CDADC1: variants seen among roughly 807,000 people sequenced by gnomAD.
The protein encoded by CDADC1 is dCTP deaminase.
A neutral mutation model predicts 54.9 loss-of-function variants in CDADC1; 39 were observed. The observed-to-expected ratio is 0.71, with a 90% confidence interval of 0.55 to 0.93. The LOEUF (loss-of-function observed/expected upper bound fraction) is 0.93, where lower values mean the gene tolerates loss of function less well. Among genes scored for constraint, CDADC1 ranks in the 40% least tolerant of loss-of-function variants. The pLI is 0.00. For synonymous variants in CDADC1, 186 were observed against 204.0 expected, an observed-to-expected ratio of 0.91 and a Z score of 0.75; for missense variants, 518 against 618.8, an observed-to-expected ratio of 0.84 and a Z score of 1.73.
At chr13:49,258,435 T>C (rs528362718) in intron 3 of CDADC1, among the ~76,000 whole-genome samples, 2 of 150,750 alleles carry the variant, frequency 1.3e-5, no homozygotes, top group East Asian at 1.9e-4. Flanking sequence ...AGAACTGACT[T>C]TTTTTTTTAA....
rs777551903 is a variant in CDADC1, at chr13:49,267,737, CT to C, written c.682del (p.Tyr228IlefsTer9). On this transcript the variant is annotated frameshift_variant, in exon 5 of 10. Transcript: ENST00000251108. LOFTEE classifies it high-confidence loss of function. ...TKTLPDANTD[F>X]YYECKQERIK... ...AAACATTGCCGGATGCTAACACTGA[CT>C]TTTATTATGAATGTAAACAAGAAAG... 1 of 1,610,914 alleles carries C rather than the reference CT, an allele frequency of 6.2e-7. No individual in the cohort carries two copies. The highest frequency in any genetic ancestry group is 1.1e-5 in the South Asian group (1 of 90,192).
intron 5 of CDADC1, 39 bp from the exon 6 acceptor site, chr13:49,274,247 ACATAT>A (rs770621994): frequency 4.9e-6 from 7 of 1,428,758 alleles, no homozygotes; most frequent in African/African-American, 4.3e-5. Context: ...TCTAAAACTA[ACATAT>A]CATAATTTTT....
At chr13:49,283,744 C>T (rs960506428) in intron 8 of CDADC1, among the ~76,000 whole-genome samples, 1 of 152,140 alleles carries the variant, frequency 6.6e-6, no homozygotes, top group Non-Finnish European at 1.5e-5. Flanking sequence ...CAGACCCTCC[C>T]GGAAATACCC....
chr13:49,279,003 G>T (rs1257655468), intron 7 of CDADC1, among the ~76,000 whole-genome samples: 1 of 152,090 alleles, frequency 6.6e-6, no homozygotes. Flanking sequence ...CCTTTTTTAT[G>T]TTCAGATACG....
At chr13:49,280,859 GTC>G (rs906560318) in intron 8 of CDADC1, among the ~76,000 whole-genome samples, 161 bp downstream of exon 8, 1 of 140,120 alleles carries the variant, frequency 7.1e-6, no homozygotes. Flanking sequence ...TTGAGACAGA[GTC>G]TCTCTCTGTT....
intron 4 of CDADC1, among the ~76,000 whole-genome samples, chr13:49,259,838 C>T (rs139059410): frequency 4.0e-5 from 6 of 151,888 alleles, no homozygotes; most frequent in African/African-American, 1.2e-4. Flanking sequence ...CAGAACAAGA[C>T]CTTGTCTCCA....
Position 49,267,932 on chromosome 13 carries a change from G to T in CDADC1, c.873G>T (p.Pro291=). 1 of 1,614,058 alleles carries T rather than the reference G, an allele frequency of 6.2e-7. No homozygotes were observed. The highest frequency in any genetic ancestry group is 8.5e-7 in the Non-Finnish European group (1 of 1,180,004). The part of the protein sequence containing the change: ...LLLATVASSV[P]NFKHFGFYRS... The stretch of plus-strand genomic sequence containing the variant: ...TGGCCACAGTAGCTTCCAGTGTGCC[G>T]AACTTTAAACACTTCGGATTTTACC... Residue 291 remains proline, a synonymous_variant, in exon 5 of 10, where the codon CCG becomes CCT. Transcript: ENST00000251108.
At chr13:49,275,112 G>A (rs1953069199) in intron 6 of CDADC1, among the ~76,000 whole-genome samples, 1 of 146,144 alleles carries the variant, frequency 6.8e-6, no homozygotes, top group Non-Finnish European at 1.5e-5. Context: ...TTGAGACAGA[G>A]TCCCCCTCTG....
In CDADC1 at chr13:49,293,075, G is replaced by GTA. The variant is rs1457936888; in HGVS notation, c.*1319_*1320dup. The GTA allele has an allele frequency of 6.2e-6, 1 of 160,458 alleles. No homozygotes were observed. Among genetic ancestry groups the GTA allele is most frequent in the Non-Finnish European group, 1.4e-5 (1 of 73,130 alleles). 9.9% of individuals were successfully genotyped at this position (160,458 alleles called of 1,614,324 possible). A position where few individuals can be genotyped will look rare whatever the true frequency, so the allele number is the denominator to read the frequency against. ...GGGATAGGACAGGAGAGGAGGTGAT[G>GTA]TACACTTAGAGGTAACTAAGGCTAG... On this transcript the variant is annotated 3_prime_UTR_variant, in exon 10 of 10. Transcript: ENST00000251108.
intron 3 of CDADC1, among the ~76,000 whole-genome samples, chr13:49,258,208 CT>C (rs1195686305): frequency 6.6e-6 from 1 of 152,194 alleles, no homozygotes; most frequent in African/African-American, 2.4e-5. Flanking sequence ...GTTAATATCG[CT>C]TTGGTCTGAT....
chr13:49,255,993 C>G (rs1952537487), intron 3 of CDADC1, 80 bp downstream of exon 3: 4 of 1,522,834 alleles, frequency 2.6e-6, no homozygotes, highest in Non-Finnish European at 3.5e-6. Flanking sequence ...AAAAGTGCCT[C>G]CATTTCTACT....
chr13:49,276,920 G>T (rs546291984), intron 6 of CDADC1, among the ~76,000 whole-genome samples: 3 of 152,140 alleles, frequency 2.0e-5, no homozygotes, highest in Non-Finnish European at 4.4e-5. Flanking sequence ...CTTAACATCT[G>T]GTTGTTAATG....
At position 49,292,699 on chromosome 13, in the gene CDADC1, A is replaced by AT; in HGVS notation, c.*945dup. 7.9e-7 allele frequency: 1 copy of AT among 1,259,626 alleles called. No individual in the cohort carries two copies. The highest frequency in any genetic ancestry group is 1.3e-5 in the South Asian group (1 of 74,580). 78.0% of individuals were successfully genotyped at this position (1,259,626 alleles called of 1,614,324 possible). ...CAGCTATTCCAGATTGCTGTCTGTG[A>AT]TTTCTCACATTTTTATTTGCTGAGA... On this transcript the variant is annotated 3_prime_UTR_variant, in exon 10 of 10. Transcript: ENST00000251108.
chr13:49,284,816 A>T (rs1953458810), intron 8 of CDADC1, among the ~76,000 whole-genome samples: 1 of 152,232 alleles, frequency 6.6e-6, no homozygotes, highest in African/African-American at 2.4e-5. Flanking sequence ...ACTGATGCTT[A>T]TGGAAGAGGC....
At position 49,259,419 on chromosome 13, in the gene CDADC1, A is replaced by G. The variant is rs561981629; in HGVS notation, c.326A>G (p.His109Arg). Residue 109 changes from histidine to arginine, a missense_variant, in exon 4 of 10, where the codon CAT (histidine) becomes CGT (arginine). Coordinates refer to ENST00000251108, the MANE Select transcript of CDADC1 (RefSeq NM_030911.4). ...CTCCACTGTTCTAGTGAAGATTTAC[A>G]TGCCGGGCAGATTGCTCTTATTAAA... ...VGLHCSSEDL[H>R]AGQIALIKHG... 1 of 1,614,206 alleles carries G rather than the reference A, an allele frequency of 6.2e-7. No homozygotes were observed. The highest frequency in any genetic ancestry group is 1.1e-5 in the South Asian group (1 of 91,092).
chr13:49,249,232 A>G (rs1952368571), intron 2 of CDADC1, among the ~76,000 whole-genome samples: 1 of 152,196 alleles, frequency 6.6e-6, no homozygotes, highest in African/African-American at 2.4e-5. Flanking sequence ...TCTATACCAC[A>G]TAATTTCCCC....
At position 49,248,103 on chromosome 13, in the gene CDADC1, G is replaced by A. The variant is rs758336589; in HGVS notation, c.66G>A (p.Gln22=). ...GGGCCGGGCGGTCAGTCAGCACCCA[G>A]ACTGGCAGCATGACCGGTGAGTGTC... is the stretch of plus-strand genomic sequence containing the variant. The part of the protein sequence containing the change: ...SARAGRSVST[Q]TGSMTGQIPR... The change falls in exon 1 of 10, where the codon CAG becomes CAA. Residue 22 remains glutamine, a synonymous_variant. Coordinates refer to ENST00000251108, the MANE Select transcript of CDADC1 (RefSeq NM_030911.4). 3.0e-5 allele frequency: 47 copies of A among 1,552,246 alleles called. No individual in the cohort carries two copies. Among genetic ancestry groups the A allele is most frequent in the Admixed American group, 5.9e-5 (3 of 51,082 alleles).
Position 49,278,497 on chromosome 13 carries a change from G to A in CDADC1, c.1198G>A (p.Glu400Lys). The A allele has an allele frequency of 6.4e-7, 1 of 1,555,166 alleles. No homozygotes were observed. The highest frequency in any genetic ancestry group is 8.8e-7 in the Non-Finnish European group (1 of 1,138,174). ...IRKFRYIIHAEQNALTFRCQE... is the reference protein window; with the variant it reads ...IRKFRYIIHAKQNALTFRCQE... ...GAAATTCAGATACATCATACATGCGGAACAGAATGCCTTGACATTTAGGTA... is the reference window on the plus strand; with the variant it reads ...GAAATTCAGATACATCATACATGCGAAACAGAATGCCTTGACATTTAGGTA... The change falls in exon 7 of 10, where the codon GAA (glutamate) becomes AAA (lysine). Residue 400 changes from glutamate (E) to lysine (K), a missense_variant. Physicochemically the swap from Glu to Lys is moderately conservative, Grantham distance 56 (BLOSUM62 1). Coordinates refer to ENST00000251108, the MANE Select transcript of CDADC1 (RefSeq NM_030911.4).
intron 2 of CDADC1, among the ~76,000 whole-genome samples, chr13:49,251,887 G>T (rs1952441525): frequency 6.6e-6 from 1 of 152,086 alleles, no homozygotes; most frequent in South Asian, 2.1e-4. Flanking sequence ...AGTTTTCCTG[G>T]CATCTCATTC....
Sources: gnomAD v4.1 joint callset for allele counts (sites outside exome capture counted in the v4.1 genomes callset) on GRCh38, gnomAD v4.1.1 for gene constraint, MANE v1.5 for transcripts, NCBI Gene and HGNC (gene_info 2026-07-23, HGNC 2026-07-21) for gene names.